Variants in RAPGEF2 observed in about 807,000 individuals in gnomAD.
RAPGEF2 encodes Rap guanine nucleotide exchange factor 2, also known as PDZ domain containing guanine nucleotide exchange factor (GEF) 1.
Under a neutral mutation model 186.7 loss-of-function variants are expected in RAPGEF2, and 54 were observed. That is an observed-to-expected ratio of 0.29 (90% CI 0.23 to 0.36). RAPGEF2 has a LOEUF of 0.36. Among genes scored for constraint, RAPGEF2 ranks in the 10% least tolerant of loss-of-function variants. The pLI is 1.00. For missense variants in RAPGEF2, 1,532 were observed against 2,045.0 expected (o/e 0.75, Z 4.84); for synonymous variants, 712 against 705.9 (o/e 1.01, Z -0.14).
intron 7 of RAPGEF2, among the ~76,000 whole-genome samples, chr4:159,270,150 C>G (rs900150213): frequency 6.6e-6 from 1 of 152,222 alleles, no homozygotes; most frequent in African/African-American, 2.4e-5. Flanking sequence ...AATTTGCCAT[C>G]TCAAGATGTC....
chr4:159,340,066 AAAAG>A (rs1729180266), intron 19 of RAPGEF2, among the ~76,000 whole-genome samples: 1 of 152,240 alleles, frequency 6.6e-6, no homozygotes. Flanking sequence ...TGCAAGTTGA[AAAAG>A]AAAATAGTTG....
At chr4:159,236,973 AT>A (rs906646014) in intron 4 of RAPGEF2, among the ~76,000 whole-genome samples, 7 of 151,974 alleles carry the variant, frequency 4.6e-5, no homozygotes, top group African/African-American at 1.7e-4. Flanking sequence ...ATATCAAAAA[AT>A]TTTTTTTCAA....
chr4:159,317,098 A>G (rs1321149091), intron 9 of RAPGEF2, among the ~76,000 whole-genome samples: 1 of 152,194 alleles, frequency 6.6e-6, no homozygotes, highest in Admixed American at 6.5e-5. Flanking sequence ...GGCTTGTTAC[A>G]TGAGTTTGAG....
chr4:159,325,073 A>G (rs968928140), intron 11 of RAPGEF2, among the ~76,000 whole-genome samples: 2 of 152,176 alleles, frequency 1.3e-5, no homozygotes, highest in Admixed American at 6.5e-5. Flanking sequence ...ATTCATTTTA[A>G]GCATTTTACT....
At chr4:159,346,706 TCA>T in intron 24 of RAPGEF2, 81 bp from the exon 25 acceptor site, 2 of 1,165,478 alleles carry the variant, frequency 1.7e-6, no homozygotes. Context: ...CAGAAAATGC[TCA>T]CACAGTTCTA....
chr4:159,192,115 G>A (rs1339125338), intron 2 of RAPGEF2, among the ~76,000 whole-genome samples: 2 of 152,104 alleles, frequency 1.3e-5, no homozygotes, highest in Non-Finnish European at 2.9e-5. Context: ...AATGCTTTTG[G>A]CTACCATCTT....
At chr4:159,280,309 T>A (rs1322775183) in intron 7 of RAPGEF2, among the ~76,000 whole-genome samples, 1 of 152,226 alleles carries the variant, frequency 6.6e-6, no homozygotes, top group Non-Finnish European at 1.5e-5. Flanking sequence ...TTGTCTTTAT[T>A]ACGGTTTTGA....
chr4:159,309,311 G>A (rs1209857747), intron 8 of RAPGEF2, among the ~76,000 whole-genome samples: 1 of 151,928 alleles, frequency 6.6e-6, no homozygotes, highest in African/African-American at 2.4e-5. Flanking sequence ...TTCCTTCCTA[G>A]ACGCCAATTG....
At chr4:159,167,265 GGGGGAAATTTA>G (rs1413253627) in intron 1 of RAPGEF2, among the ~76,000 whole-genome samples, 1 of 152,172 alleles carries the variant, frequency 6.6e-6, no homozygotes, top group Non-Finnish European at 1.5e-5. Context: ...CCAGTTTTTT[GGGGGAAATTTA>G]GTGTGAAGTT....
intron 2 of RAPGEF2, among the ~76,000 whole-genome samples, 197 bp from the exon 3 acceptor site, chr4:159,193,003 A>T (rs1561067476): frequency 6.6e-6 from 1 of 152,224 alleles, no homozygotes; most frequent in Non-Finnish European, 1.5e-5. Flanking sequence ...CTTTTCTAGC[A>T]TACTTTTACC....
chr4:159,299,481 C>T (rs1162961438), intron 7 of RAPGEF2, among the ~76,000 whole-genome samples: 3 of 148,824 alleles, frequency 2.0e-5, no homozygotes, highest in Non-Finnish European at 4.5e-5. Flanking sequence ...AATAAAATTC[C>T]ACAAAACTCA....
intron 1 of RAPGEF2, among the ~76,000 whole-genome samples, chr4:159,160,713 C>T (rs1744619145): frequency 6.6e-6 from 1 of 152,146 alleles, no homozygotes; most frequent in Non-Finnish European, 1.5e-5. Flanking sequence ...CTTAAAATAA[C>T]GACTCCAAAA....
intron 4 of RAPGEF2, among the ~76,000 whole-genome samples, chr4:159,237,170 A>AGTC (rs1753366366): frequency 6.6e-6 from 1 of 151,916 alleles, no homozygotes; most frequent in East Asian, 1.9e-4. Context: ...ACAGGCTTGT[A>AGTC]CCACCATGCC....
intron 1 of RAPGEF2, among the ~76,000 whole-genome samples, chr4:159,131,519 A>C (rs866921595): frequency 2.7e-5 from 1 of 37,212 alleles, no homozygotes; most frequent in Non-Finnish European, 5.0e-5. Flanking sequence ...ATTAATTGCT[A>C]TTTTTTTTTT....
At chr4:159,155,432 G>T (rs574075574) in intron 1 of RAPGEF2, among the ~76,000 whole-genome samples, 1 of 152,212 alleles carries the variant, frequency 6.6e-6, no homozygotes, top group African/African-American at 2.4e-5. Context: ...GGAATGTTCA[G>T]TAATAGAATT....
At chr4:159,271,522 T>C (rs2110817272) in intron 7 of RAPGEF2, among the ~76,000 whole-genome samples, 1 of 152,336 alleles carries the variant, frequency 6.6e-6, no homozygotes, top group East Asian at 1.9e-4. Context: ...GTATTACCTT[T>C]TTACATATGA....
chr4:159,110,153 G>C (rs529791490), intron 1 of RAPGEF2, among the ~76,000 whole-genome samples: 1 of 152,164 alleles, frequency 6.6e-6, no homozygotes, highest in African/African-American at 2.4e-5. Flanking sequence ...ATATTTCATA[G>C]TTCATAGGAA....
intron 3 of RAPGEF2, among the ~76,000 whole-genome samples, chr4:159,202,547 G>A (rs367544896): frequency 2.0e-5 from 3 of 152,026 alleles, no homozygotes; most frequent in Non-Finnish European, 2.9e-5. Context: ...AACGCCTGCC[G>A]CTCTGTTTTC....
chr4:159,268,526 C>CA (rs1013723144), intron 7 of RAPGEF2, among the ~76,000 whole-genome samples: 16 of 151,910 alleles, frequency 1.1e-4, no homozygotes, highest in Admixed American at 7.2e-4. Flanking sequence ...GAATAGTTTT[C>CA]AAAAAAATGT....
Sources: allele counts gnomAD v4.1 joint callset (sites outside exome capture counted in the v4.1 genomes callset), GRCh38; gene constraint gnomAD v4.1.1; transcripts MANE v1.5; gene names NCBI Gene and HGNC (gene_info 2026-07-23, HGNC 2026-07-21).